The following MTHFD1L variants were observed in gnomAD, a reference collection of about 807,000 sequenced individuals.
MTHFD1L encodes the protein methylenetetrahydrofolate dehydrogenase (NADP+ dependent) 1 like.
Under a neutral mutation model 119.5 loss-of-function variants are expected in MTHFD1L, and 81 were observed. That is an observed-to-expected ratio of 0.68 (90% CI 0.57 to 0.82). MTHFD1L has a LOEUF of 0.82. MTHFD1L is among the 40% of genes least tolerant of loss of function. MTHFD1L has a pLI of 0.00. For missense variants in MTHFD1L, 1,125 were observed against 1,253.4 expected, an observed-to-expected ratio of 0.90 and a Z score of 1.55; for synonymous variants, 430 against 475.2, an observed-to-expected ratio of 0.90 and a Z score of 1.24.
intron 17 of MTHFD1L, among the ~76,000 whole-genome samples, chr6:150,956,446 A>G (rs1795658746): frequency 6.6e-6 from 1 of 152,238 alleles, no homozygotes; most frequent in Non-Finnish European, 1.5e-5. Flanking sequence ...CAAATTTCAT[A>G]TATCAAAGAA....
Position 150,882,802 on chromosome 6 carries a change from T to C in MTHFD1L, c.458T>C (p.Val153Ala), listed in dbSNP as rs1267799753. ...EILKINEDTR[V>A]HGLALQISEN... is the part of the protein sequence containing the mutation. Reference sequence around the variant, plus strand: ...TTAAAGATCAATGAAGATACCAGAGTACATGGCCTTGCCCTTCAGATCTCT... The same window carrying C: ...TTAAAGATCAATGAAGATACCAGAGCACATGGCCTTGCCCTTCAGATCTCT... The change falls in exon 5 of 28, where the codon GTA (valine) becomes GCA (alanine). Residue 153 changes from valine to alanine, a missense_variant. Val to Ala is a moderately conservative substitution (Grantham distance 64, BLOSUM62 0). Around this residue, in one of 3 missense-constraint regions of MTHFD1L, gnomAD observed 1,058 missense variants for 1,151.2 expected, o/e 0.92. Coordinates refer to ENST00000367321, the MANE Select transcript of MTHFD1L (RefSeq NM_015440.5). The C allele has an allele frequency of 1.3e-6, 2 of 1,571,584 alleles. No individual in the cohort carries two copies. The highest frequency in any genetic ancestry group is 1.7e-6 in the Non-Finnish European group (2 of 1,165,146).
At chr6:151,050,584 T>C (rs538521625) in intron 26 of MTHFD1L, among the ~76,000 whole-genome samples, 28 of 152,320 alleles carry the variant, frequency 1.8e-4, no homozygotes, top group Admixed American at 1.6e-3. Flanking sequence ...TTGAAACCAG[T>C]TGGTCAGAAG....
chr6:150,952,337 A>G (rs1794980660), intron 16 of MTHFD1L, among the ~76,000 whole-genome samples: 1 of 152,208 alleles, frequency 6.6e-6, no homozygotes, highest in Non-Finnish European at 1.5e-5. Flanking sequence ...AACATTTGCT[A>G]GTAGGGTTTT....
At chr6:151,003,194 CAG>C (rs1248798314) in intron 20 of MTHFD1L, among the ~76,000 whole-genome samples, 3 of 152,060 alleles carry the variant, frequency 2.0e-5, no homozygotes, top group Non-Finnish European at 4.4e-5. Flanking sequence ...AAGTACCAAA[CAG>C]AATTCAAGAA....
chr6:150,923,785 A>G (rs984290000), intron 10 of MTHFD1L, among the ~76,000 whole-genome samples: 1 of 151,782 alleles, frequency 6.6e-6, no homozygotes, highest in Non-Finnish European at 1.5e-5. Context: ...ACCCTCCTGG[A>G]CATGTTTTCA....
intron 20 of MTHFD1L, among the ~76,000 whole-genome samples, chr6:150,994,217 A>G (rs1250121863): frequency 1.3e-5 from 2 of 152,102 alleles, no homozygotes; most frequent in Admixed American, 6.6e-5. Flanking sequence ...CTGGTAGTCC[A>G]GGATGGTTGC....
intron 8 of MTHFD1L, among the ~76,000 whole-genome samples, chr6:150,909,244 C>T (rs1461421645): frequency 2.0e-5 from 3 of 150,208 alleles, no homozygotes; most frequent in African/African-American, 7.3e-5. Flanking sequence ...ATTCTGTTTT[C>T]TAGCTGTAAG....
At chr6:150,958,311 G>T (rs1795936999) in intron 17 of MTHFD1L, among the ~76,000 whole-genome samples, 1 of 152,102 alleles carries the variant, frequency 6.6e-6, no homozygotes, top group African/African-American at 2.4e-5. Context: ...AGGTACCATA[G>T]TAGATTCAGC....
At chr6:150,966,015 A>G (rs966417876) in intron 19 of MTHFD1L, among the ~76,000 whole-genome samples, 11 of 152,302 alleles carry the variant, frequency 7.2e-5, no homozygotes, top group Non-Finnish European at 1.3e-4. Flanking sequence ...CAAGGGGGTG[A>G]GCCATGCACG....
chr6:150,885,612 ACTT>A lies in MTHFD1L; in HGVS notation c.543-18_543-16del, dbSNP rs1168970323. 6.3e-7 allele frequency: 1 copy of A among 1,597,228 alleles called. No individual in the cohort carries two copies. Among genetic ancestry groups the A allele is most frequent in the South Asian group, 1.1e-5 (1 of 90,350 alleles). On this transcript the variant is annotated intron_variant, in intron 5 of 27. Coordinates refer to ENST00000367321, the MANE Select transcript of MTHFD1L (RefSeq NM_015440.5). ...TTTTGGCTGGGCTTTGACTTAACCT[ACTT>A]CTTTATTTTCTGATTCAGAGTAACA...
At chr6:151,090,591 G>A (rs933688149) in intron 26 of MTHFD1L, among the ~76,000 whole-genome samples, 1 of 152,250 alleles carries the variant, frequency 6.6e-6, no homozygotes, top group Admixed American at 6.5e-5. Context: ...CGACTGAAAG[G>A]CAGTGGAGGG....
chr6:150,889,608 G>A (rs1782886885), intron 7 of MTHFD1L, among the ~76,000 whole-genome samples: 1 of 152,134 alleles, frequency 6.6e-6, no homozygotes, highest in African/African-American at 2.4e-5. Context: ...TTAGAAAAAT[G>A]GACACATGAC....
intron 9 of MTHFD1L, among the ~76,000 whole-genome samples, chr6:150,919,326 A>C (rs7738574): frequency 0.36 from 54,368 of 151,358 alleles, 10,288 homozygotes; most frequent in African/African-American, 0.48. Flanking sequence ...TGGGTTTAAG[A>C]GATTCTCATG....
chr6:151,045,318 G>A (rs1261481549), intron 26 of MTHFD1L, among the ~76,000 whole-genome samples: 1 of 152,112 alleles, frequency 6.6e-6, no homozygotes, highest in Non-Finnish European at 1.5e-5. Context: ...TGATGTGAGA[G>A]CGTGCAGAAC....
rs1470045540 is a variant in MTHFD1L, at chr6:151,014,880, A to G, written c.2308A>G (p.Asn770Asp). Residue 770 changes from asparagine to aspartate, a missense_variant and splice_region_variant, in exon 23 of 28, where the codon AAC becomes GAC. Coordinates refer to ENST00000367321, the MANE Select transcript of MTHFD1L (RefSeq NM_015440.5). The stretch of plus-strand genomic sequence containing the variant: ...GGTTTTGCTTTTTTCTTTTTTACAG[A>G]ACATCCAGCTGGTGGCAGACGGCTG... ...VPLKKEYTEE[N>D]IQLVADGCCN... 6.2e-7 allele frequency: 1 copy of G among 1,613,782 alleles called. No individual in the cohort carries two copies. Among genetic ancestry groups the G allele is most frequent in the Admixed American group, 1.7e-5 (1 of 59,992 alleles).
intron 27 of MTHFD1L, 82 bp downstream of exon 27, chr6:151,092,669 C>A (rs1794557686): frequency 1.3e-6 from 1 of 755,876 alleles, no homozygotes; most frequent in Non-Finnish European, 2.2e-6. Flanking sequence ...TTTTCTGATA[C>A]CACAGAAGTG....
chr6:150,879,895 C>T (rs556082110), intron 4 of MTHFD1L, among the ~76,000 whole-genome samples: 4 of 152,264 alleles, frequency 2.6e-5, no homozygotes, highest in Non-Finnish European at 4.4e-5. Context: ...TCCCAAAGCG[C>T]TGGGATTACA....
chr6:150,924,470 C>A (rs1789572193), intron 10 of MTHFD1L, among the ~76,000 whole-genome samples: 1 of 151,690 alleles, frequency 6.6e-6, no homozygotes, highest in African/African-American at 2.4e-5. Context: ...CCATGCCAGG[C>A]CTGTTTTGTT....
At chr6:150,991,589 T>G (rs1023919569) in intron 20 of MTHFD1L, among the ~76,000 whole-genome samples, 1 of 152,168 alleles carries the variant, frequency 6.6e-6, no homozygotes. Context: ...AAAAATGACT[T>G]GAAAAATCAA....
Sources: allele counts gnomAD v4.1 joint callset (sites outside exome capture counted in the v4.1 genomes callset), GRCh38; gene constraint gnomAD v4.1.1; regional missense constraint gnomAD v4.1.1; transcripts MANE v1.5; gene names NCBI Gene and HGNC (gene_info 2026-07-23, HGNC 2026-07-21).